TGFB2: variants seen among roughly 807,000 people sequenced by gnomAD.
TGFB2 encodes transforming growth factor beta 2, also known as transforming growth factor beta-2 proprotein.
In TGFB2, 13 loss-of-function variants were observed where a neutral mutation model predicts 42.7. That is an observed-to-expected ratio of 0.30 (90% confidence interval 0.20 to 0.48). TGFB2 has a LOEUF of 0.48. TGFB2 is among the 20% of genes least tolerant of loss of function. The probability of loss-of-function intolerance (pLI) is 0.99; values close to 1 mark genes in which losing one functional copy is unlikely to be tolerated. For missense variants in TGFB2, 390 were observed against 517.5 expected (o/e 0.75, Z 2.39); for synonymous variants, 193 against 193.6 (o/e 1.00, Z 0.03).
intron 2 of TGFB2, among the ~76,000 whole-genome samples, chr1:218,420,079 T>G (rs1208548654): frequency 6.6e-6 from 1 of 152,156 alleles, no homozygotes; most frequent in Non-Finnish European, 1.5e-5. Flanking sequence ...CATGTGTTAG[T>G]GTTAAAGTCA....
chr1:218,376,339 T>C (rs931730334), intron 1 of TGFB2, among the ~76,000 whole-genome samples: 23 of 152,342 alleles, frequency 1.5e-4, no homozygotes, highest in African/African-American at 5.5e-4. Flanking sequence ...TTCCTTGTCA[T>C]TTCACTTTAA....
intron 6 of TGFB2, among the ~76,000 whole-genome samples, chr1:218,438,341 A>C (rs1430021239): frequency 6.6e-6 from 1 of 152,238 alleles, no homozygotes; most frequent in African/African-American, 2.4e-5. Flanking sequence ...CTGTTATATT[A>C]GAAAGAACAT....
chr1:218,422,007 A>C (rs757660334), intron 2 of TGFB2, among the ~76,000 whole-genome samples: 5 of 152,140 alleles, frequency 3.3e-5, no homozygotes, highest in Non-Finnish European at 5.9e-5. Flanking sequence ...TCTAGCCCCC[A>C]GATTTGTGAC....
At chr1:218,388,788 A>C (rs1167926593) in intron 1 of TGFB2, among the ~76,000 whole-genome samples, 2 of 152,222 alleles carry the variant, frequency 1.3e-5, no homozygotes, top group African/African-American at 2.4e-5. Context: ...AACTATTCAC[A>C]ATCATAATGA....
chr1:218,351,886 G>A (rs979271955), intron 1 of TGFB2, among the ~76,000 whole-genome samples: 2 of 152,168 alleles, frequency 1.3e-5, no homozygotes, highest in Non-Finnish European at 2.9e-5. Flanking sequence ...ACTGAGATGT[G>A]AAAAAAGGGC....
At chr1:218,371,794 T>TG (rs1657580726) in intron 1 of TGFB2, among the ~76,000 whole-genome samples, 1 of 152,238 alleles carries the variant, frequency 6.6e-6, no homozygotes, top group Non-Finnish European at 1.5e-5. Flanking sequence ...AGCATGGCTT[T>TG]CCTGTTTCTT....
chr1:218,379,130 CTTT>C (rs61674773), intron 1 of TGFB2, among the ~76,000 whole-genome samples: 2 of 143,936 alleles, frequency 1.4e-5, no homozygotes, highest in African/African-American at 5.1e-5. Context: ...TTCTTTCTTT[CTTT>C]TTTTTTTTTC....
chr1:218,425,543 G>A (rs1229918171), intron 2 of TGFB2, among the ~76,000 whole-genome samples: 4 of 152,086 alleles, frequency 2.6e-5, no homozygotes, highest in African/African-American at 9.7e-5. Context: ...GATAATAAGG[G>A]CCATGATGTT....
chr1:218,367,281 A>T (rs1657416484), intron 1 of TGFB2, among the ~76,000 whole-genome samples: 4 of 152,176 alleles, frequency 2.6e-5, no homozygotes, highest in Admixed American at 2.0e-4. Flanking sequence ...GAGACATTCC[A>T]TGGGGTAAGG....
chr1:218,410,398 G>A (rs970500987), intron 2 of TGFB2, among the ~76,000 whole-genome samples: 1 of 152,170 alleles, frequency 6.6e-6, no homozygotes, highest in Admixed American at 6.5e-5. Flanking sequence ...GAAAGCTTGT[G>A]AACTTACGAT....
rs537173662 is a variant in TGFB2, at chr1:218,350,184, G to A, written c.346+3137G>A. 5.4e-4 allele frequency among the ~76,000 whole-genome samples: 82 copies of A among 152,286 alleles called. No individual in the cohort carries two copies. The South Asian group carries it at 0.016, about 30-fold the overall frequency. On this transcript the variant is annotated intron_variant, in intron 1 of 6. Transcript: ENST00000366930. ...ACATGTAAGAATCTGTAGAGAGTCC[G>A]ACAATCAAAAAGAGGAAGAGACACA...
At chr1:218,401,594 G>A (rs1658722167) in intron 1 of TGFB2, among the ~76,000 whole-genome samples, 1 of 152,142 alleles carries the variant, frequency 6.6e-6, no homozygotes, top group African/African-American at 2.4e-5. Context: ...ATGTGAGTGT[G>A]GATAAGTTGG....
intron 1 of TGFB2, among the ~76,000 whole-genome samples, chr1:218,381,258 G>GT (rs11405199): frequency 0.36 from 49,513 of 137,626 alleles, 9,055 homozygotes; most frequent in East Asian, 0.5. Flanking sequence ...TTTTGTTTTT[G>GT]TTTTTTTTTT....
At chr1:218,430,722 C>G (rs957171351) in intron 2 of TGFB2, among the ~76,000 whole-genome samples, 2 of 152,212 alleles carry the variant, frequency 1.3e-5, no homozygotes, top group Non-Finnish European at 1.5e-5. Context: ...AGTTAAGATT[C>G]AAGACTTTAC....
chr1:218,403,052 T>C (rs1277740875), intron 1 of TGFB2, among the ~76,000 whole-genome samples: 1 of 152,220 alleles, frequency 6.6e-6, no homozygotes, highest in Non-Finnish European at 1.5e-5. Flanking sequence ...AAATGCTGTG[T>C]GCTAGGGGGC....
At chr1:218,376,298 C>G (rs1657739562) in intron 1 of TGFB2, among the ~76,000 whole-genome samples, 2 of 152,188 alleles carry the variant, frequency 1.3e-5, no homozygotes, top group African/African-American at 4.8e-5. Context: ...GTAATGATTT[C>G]TACAACCAGG....
rs1659957253 is a variant in TGFB2, at chr1:218,435,992, T to C, written c.777T>C (p.Tyr259=). The part of the protein sequence containing the change: ...RFAGIDGTST[Y]TSGDQKTIKS... The stretch of plus-strand genomic sequence containing the variant: ...AAGGTATTGATGGCACCTCCACATA[T>C]ACCAGTGGTGATCAGAAAACTATAA... The change falls in exon 5 of 7, where the codon TAT becomes TAC. Residue 259 remains tyrosine, a synonymous_variant. Coordinates refer to ENST00000366930, the MANE Select transcript of TGFB2 (RefSeq NM_003238.6). 3.7e-6 allele frequency: 6 copies of C among 1,613,640 alleles called. No individual in the cohort carries two copies. The highest frequency in any genetic ancestry group is 2.2e-5 in the East Asian group (1 of 44,868).
At chr1:218,365,580 C>T (rs1442278265) in intron 1 of TGFB2, among the ~76,000 whole-genome samples, 1 of 151,964 alleles carries the variant, frequency 6.6e-6, no homozygotes, top group Non-Finnish European at 1.5e-5. Flanking sequence ...GCTCTTCCAC[C>T]TTGCCTAGCT....
chr1:218,417,598 A>C (rs770933357), intron 2 of TGFB2, among the ~76,000 whole-genome samples: 5 of 152,240 alleles, frequency 3.3e-5, no homozygotes, highest in Non-Finnish European at 5.9e-5. Context: ...TGAGGAGCCA[A>C]ATGTTAATCC....
Sources: allele counts gnomAD v4.1 joint callset (sites outside exome capture counted in the v4.1 genomes callset), GRCh38; gene constraint gnomAD v4.1.1; transcripts MANE v1.5; gene names NCBI Gene and HGNC (gene_info 2026-07-23, HGNC 2026-07-21).